Variants in RADIL observed in about 807,000 individuals in gnomAD.
RADIL encodes ras-associating and dilute domain-containing protein.
Under a neutral mutation model 97.6 loss-of-function variants are expected in RADIL, and 99 were observed. That is an observed-to-expected ratio of 1.01 (90% confidence interval 0.86 to 1.20). The LOEUF is 1.20. Ranked by LOEUF, RADIL falls within the 50% of genes most tolerant of loss-of-function variation. RADIL has a pLI of 0.00. For missense variants in RADIL, 1,765 were observed against 1,498.9 expected (o/e 1.18, Z -2.93); for synonymous variants, 803 against 691.8 (o/e 1.16, Z -2.52).
In RADIL at chr7:4,879,696, G is replaced by A. The variant is rs1784446050; in HGVS notation, c.-64-1493C>T. Among the ~76,000 whole-genome samples the A allele has an allele frequency of 6.6e-6, 1 of 152,114 alleles. No individual in the cohort carries two copies. Among genetic ancestry groups the A allele is most frequent in the Non-Finnish European group, 1.5e-5 (1 of 68,028 alleles). On this transcript the variant is annotated intron_variant, in intron 1 of 14. Coordinates refer to ENST00000399583, the MANE Select transcript of RADIL (RefSeq NM_018059.5). The surrounding 1 kb of genome is among the most constrained non-coding windows in gnomAD (Gnocchi z 4.1). Reference sequence around the variant, plus strand: ...CTGGAAAGGACGGTGGCTGCCTAGGGCCACAGAAAGCAACCAGGGAACCCC... The same window carrying A: ...CTGGAAAGGACGGTGGCTGCCTAGGACCACAGAAAGCAACCAGGGAACCCC...
At position 4,877,678 on chromosome 7, in the gene RADIL, G is replaced by A. The variant is rs1216463436; in HGVS notation, c.462C>T (p.Ser154=). The A allele has an allele frequency of 6.2e-7, 1 of 1,614,166 alleles. No individual in the cohort carries two copies. The highest frequency in any genetic ancestry group is 8.5e-7 in the Non-Finnish European group (1 of 1,180,000). The part of the protein sequence containing the change: ...QELWKPREGL[S]RRFELRKRSD... ...ACCTCTTCCTCAGCTCAAACCTCCG[G>A]GATAAACCTTCTCGGGGTTTCCATA... The change falls in exon 2 of 15, where the codon TCC becomes TCT. Residue 154 remains serine, a synonymous_variant. Transcript: ENST00000399583.
At chr7:4,823,903 T>C (rs1355450790) in intron 5 of RADIL, among the ~76,000 whole-genome samples, 3 of 152,220 alleles carry the variant, frequency 2.0e-5, no homozygotes, top group African/African-American at 7.2e-5. Context: ...ATCTGGTCCA[T>C]GCACCAGCTC....
chr7:4,865,462 G>A, intron 2 of RADIL: 1 of 762,886 alleles, frequency 1.3e-6, no homozygotes, highest in East Asian at 2.5e-5. Context: ...TCTTTGTCCT[G>A]GTTAATCTGG....
chr7:4,808,503 G>T (rs1159624117), intron 9 of RADIL: 3 of 887,096 alleles, frequency 3.4e-6, no homozygotes, highest in Non-Finnish European at 2.7e-6. Context: ...AGCTAGAAAT[G>T]GTTTTCACGT....
rs185078403 is a variant in RADIL at position 4,878,818 on chromosome 7, G to C, written c.-64-615C>G. On this transcript the variant is annotated intron_variant, in intron 1 of 14. Coordinates refer to ENST00000399583, the MANE Select transcript of RADIL (RefSeq NM_018059.5). This position sits in a 1 kb window ranked among gnomAD's most constrained non-coding sequence, Gnocchi z 4.1. Reference sequence around the variant, plus strand: ...AGCGCCCCACCCGGAGCCGGCCCCAGCACCATCACAGCCACAGAAGAGCAG... The same window carrying C: ...AGCGCCCCACCCGGAGCCGGCCCCACCACCATCACAGCCACAGAAGAGCAG... 7.0e-4 allele frequency among the ~76,000 whole-genome samples: 107 copies of C among 152,354 alleles called. No homozygotes were observed. The highest frequency in any genetic ancestry group is 2.5e-3 in the African/African-American group (104 of 41,594).
chr7:4,823,434 T>C (rs1276871291), intron 5 of RADIL, among the ~76,000 whole-genome samples: 1 of 150,410 alleles, frequency 6.6e-6, no homozygotes, highest in Non-Finnish European at 1.5e-5. Flanking sequence ...CCTCCTAAAG[T>C]GCTGGGATTA....
At chr7:4,848,391 G>A (rs1168337490) in intron 2 of RADIL, among the ~76,000 whole-genome samples, 1 of 151,492 alleles carries the variant, frequency 6.6e-6, no homozygotes, top group African/African-American at 2.4e-5. Context: ...ATTTCTTTAC[G>A]TCATAAGCCC....
At chr7:4,874,688 C>T (rs1047441838) in intron 2 of RADIL, among the ~76,000 whole-genome samples, 6 of 152,230 alleles carry the variant, frequency 3.9e-5, no homozygotes, top group Non-Finnish European at 8.8e-5. Flanking sequence ...CGAAAACCGC[C>T]ACGAGCTTAG....
At chr7:4,805,508 C>G in intron 10 of RADIL, 58 bp downstream of exon 10, 1 of 1,493,628 alleles carries the variant, frequency 6.7e-7, no homozygotes, top group Non-Finnish European at 9.0e-7. Flanking sequence ...TGCCTCCAGC[C>G]TCGGGGCGAG....
chr7:4,802,714 C>A (rs1451478799), intron 11 of RADIL, among the ~76,000 whole-genome samples: 3 of 113,180 alleles, frequency 2.7e-5, no homozygotes, highest in African/African-American at 7.4e-5. Flanking sequence ...GTCCCCTCCC[C>A]AGGCACCTCG....
In RADIL at chr7:4,799,706, C is replaced by G. The variant is rs755792237; in HGVS notation, c.3046G>C (p.Ala1016Pro). The change falls in exon 14 of 15, where the codon GCC becomes CCC. Residue 1016 changes from alanine to proline, a missense_variant. Transcript: ENST00000399583. ...TCCCCCAGCGACAGGCGCCCGTCGG[C>G]CGCTGCGGGGCTGCCCGGGAGCAGG... ...QTLLPGSPAA[A>P]DGRLSLGDRI... 1.9e-6 allele frequency: 3 copies of G among 1,573,488 alleles called. No homozygotes were observed. The Admixed American group carries it at 5.6e-5, about 29-fold the overall frequency.
rs559641894 is a variant in RADIL, at chr7:4,815,918, C to T, written c.1966+310G>A. On this transcript the variant is annotated intron_variant, in intron 8 of 14. Coordinates refer to ENST00000399583, the MANE Select transcript of RADIL (RefSeq NM_018059.5). This position sits in a 1 kb window ranked among gnomAD's most constrained non-coding sequence, Gnocchi z 8.0. ...TCCATCCTGGCCCTGACATGTCCAC[C>T]GGGCAGTTCTGGGACAGTCCAATGA... 7.4e-4 allele frequency among the ~76,000 whole-genome samples: 112 copies of T among 152,288 alleles called. No homozygotes were observed. Among genetic ancestry groups the T allele is most frequent in the African/African-American group, 2.7e-3 (111 of 41,554 alleles).
chr7:4,860,424 A>G, intron 2 of RADIL: 2 of 1,614,192 alleles, frequency 1.2e-6, no homozygotes, highest in Non-Finnish European at 1.7e-6. Context: ...TCTGTGAAAG[A>G]CTGGATATCA....
chr7:4,802,142 G>C (rs1049172289), intron 11 of RADIL, 147 bp from the exon 12 acceptor site: 7 of 661,882 alleles, frequency 1.1e-5, no homozygotes, highest in South Asian at 4.6e-5. Context: ...AGCTTGAGAC[G>C]CGCAAGAGGC....
chr7:4,831,919 A>T (rs988505498), intron 5 of RADIL, among the ~76,000 whole-genome samples: 1 of 152,006 alleles, frequency 6.6e-6, no homozygotes, highest in Non-Finnish European at 1.5e-5. Context: ...AGAAGACCTC[A>T]CCCATCCAGT....
rs779760265 is a variant in RADIL, at chr7:4,798,723, G to A, written c.*655C>T. ...GGCTTTAGTAGGGGAGAGGAACTCA[G>A]GAGGGAGCAGGAGTCCTGGGAGAGG... On this transcript the variant is annotated 3_prime_UTR_variant, in exon 15 of 15. Transcript: ENST00000399583. 1 of 152,720 alleles carries A rather than the reference G, an allele frequency of 6.5e-6. No individual in the cohort carries two copies. The highest frequency in any genetic ancestry group is 1.5e-5 in the Non-Finnish European group (1 of 68,424). 9.5% of individuals were successfully genotyped at this position (152,720 alleles called of 1,614,324 possible).
At chr7:4,839,234 T>C (rs1165403996) in intron 2 of RADIL, among the ~76,000 whole-genome samples, 1 of 152,222 alleles carries the variant, frequency 6.6e-6, no homozygotes, top group African/African-American at 2.4e-5. Context: ...GCAAAGCTAT[T>C]TTTTACCCCA....
Position 4,855,463 on chromosome 7 carries a change from C to G in RADIL, c.536-18858G>C, listed in dbSNP as rs200124089. ...AGACCTACGAGGAGACTAATTGGAA[C>G]GCAGAGTGTGGGCCCGTCAACTGTG... On this transcript the variant is annotated intron_variant, in intron 2 of 14. Transcript: ENST00000399583. Among the ~76,000 whole-genome samples the G allele has an allele frequency of 3.9e-5, 6 of 152,152 alleles. No homozygotes were observed. The East Asian group carries it at 1.2e-3, about 29-fold the overall frequency.
At chr7:4,848,658 A>C (rs1363065514) in intron 2 of RADIL, among the ~76,000 whole-genome samples, 1 of 152,216 alleles carries the variant, frequency 6.6e-6, no homozygotes, top group African/African-American at 2.4e-5. Flanking sequence ...ATGATCATAA[A>C]AAGGTAAACC....
Sources: gnomAD v4.1 joint callset for allele counts (sites outside exome capture counted in the v4.1 genomes callset) on GRCh38, gnomAD v4.1.1 for gene constraint, Gnocchi (gnomAD v3.1) non-coding constraint, MANE v1.5 for transcripts, NCBI Gene and HGNC (gene_info 2026-07-23, HGNC 2026-07-21) for gene names.